The following KCNIP4 variants were observed in gnomAD, a reference collection of about 807,000 sequenced individuals.
The protein encoded by KCNIP4 is potassium voltage-gated channel interacting protein 4.
A neutral mutation model predicts 34.0 loss-of-function variants in KCNIP4; 12 were observed. The ratio of observed to expected loss-of-function variants is 0.35; its 90% CI spans 0.23 to 0.57. The LOEUF is 0.57. Ranked by LOEUF, KCNIP4 falls within the 20% of genes least tolerant of loss-of-function variation. The pLI, the probability that KCNIP4 is intolerant of heterozygous loss-of-function variation, is 0.83. For missense variants in KCNIP4, 238 were observed against 311.7 expected (o/e 0.76, Z 1.78); for synonymous variants, 124 against 102.2 (o/e 1.21, Z -1.29).
At chr4:21,400,194 A>T (rs1577303279) in intron 1 of KCNIP4, among the ~76,000 whole-genome samples, 1 of 152,314 alleles carries the variant, frequency 6.6e-6, no homozygotes, top group East Asian at 1.9e-4. Context: ...GCATTTGCAG[A>T]CATTGTGCAG....
chr4:21,632,774 A>G (rs1745854510), intron 1 of KCNIP4, among the ~76,000 whole-genome samples: 1 of 152,192 alleles, frequency 6.6e-6, no homozygotes, highest in African/African-American at 2.4e-5. Context: ...CAAGAAGGGT[A>G]TCTGGAGCAG....
At chr4:21,467,969 G>T (rs958788871) in intron 1 of KCNIP4, among the ~76,000 whole-genome samples, 1 of 152,164 alleles carries the variant, frequency 6.6e-6, no homozygotes. Flanking sequence ...AACCCTGAGA[G>T]ATCCTGCCAG....
intron 1 of KCNIP4, among the ~76,000 whole-genome samples, chr4:21,733,232 T>C (rs910359562): frequency 2.0e-5 from 3 of 152,164 alleles, no homozygotes; most frequent in African/African-American, 4.8e-5. Flanking sequence ...AACTTCCCAG[T>C]TCAAATTACT....
At chr4:21,622,692 T>G (rs1204185606) in intron 1 of KCNIP4, among the ~76,000 whole-genome samples, 1 of 152,178 alleles carries the variant, frequency 6.6e-6, no homozygotes, top group Admixed American at 6.5e-5. Flanking sequence ...TCCATATTTA[T>G]AATTTTTAAA....
chr4:21,282,513 G>A (rs993064622), intron 1 of KCNIP4, among the ~76,000 whole-genome samples: 7 of 150,538 alleles, frequency 4.6e-5, no homozygotes, highest in African/African-American at 1.7e-4. Context: ...TTAAAATTTA[G>A]TTAAGCTTTT....
At chr4:21,872,752 GA>G (rs1725889785) in intron 1 of KCNIP4, among the ~76,000 whole-genome samples, 1 of 152,150 alleles carries the variant, frequency 6.6e-6, no homozygotes, top group Admixed American at 6.5e-5. Context: ...TATGCCTGAA[GA>G]GATGTACTGG....
At chr4:21,135,891 C>T (rs867773091) in intron 1 of KCNIP4, among the ~76,000 whole-genome samples, 1 of 152,170 alleles carries the variant, frequency 6.6e-6, no homozygotes, top group Non-Finnish European at 1.5e-5. Flanking sequence ...ATTGTTATTA[C>T]AAATATTAAT....
intron 2 of KCNIP4, among the ~76,000 whole-genome samples, chr4:20,870,567 T>G (rs1293221365): frequency 6.6e-6 from 1 of 152,118 alleles, no homozygotes; most frequent in Non-Finnish European, 1.5e-5. Context: ...TCCCCTAAAT[T>G]GTACCCAGCT....
At chr4:20,775,462 A>G (rs1159533097) in intron 3 of KCNIP4, among the ~76,000 whole-genome samples, 3 of 151,818 alleles carry the variant, frequency 2.0e-5, no homozygotes, top group Middle Eastern at 6.8e-3. Flanking sequence ...GCACTTTGGA[A>G]AAACAAGGCA....
chr4:20,768,196 T>G (rs1371206551), intron 3 of KCNIP4, among the ~76,000 whole-genome samples: 1 of 152,160 alleles, frequency 6.6e-6, no homozygotes, highest in East Asian at 1.9e-4. Flanking sequence ...CTAAAAATAT[T>G]TATGCTGAAT....
chr4:21,505,702 T>C (rs868638488), intron 1 of KCNIP4, among the ~76,000 whole-genome samples: 1 of 152,314 alleles, frequency 6.6e-6, no homozygotes. Flanking sequence ...TTCATCTTAG[T>C]ATCTTCATGG....
In KCNIP4 at chr4:20,883,308, A is replaced by G. The variant is rs148212624; in HGVS notation, c.62-599T>C. 2.4e-4 allele frequency among the ~76,000 whole-genome samples: 36 copies of G among 152,282 alleles called. 1 individual carries two copies. In the East Asian group the frequency reaches 6.6e-3, roughly 28 times the overall value. ...TGTGACAATCTTTCCCATTTTTTACATGTGGACGCTAATGAATGGAACTTT... is the reference window on the plus strand; with the variant it reads ...TGTGACAATCTTTCCCATTTTTTACGTGTGGACGCTAATGAATGGAACTTT... On this transcript the variant is annotated intron_variant, in intron 1 of 8. Transcript: ENST00000382152.
At chr4:20,916,329 G>A (rs757881918) in intron 1 of KCNIP4, 89 of 981,682 alleles carry the variant, frequency 9.1e-5, no homozygotes, top group Non-Finnish European at 1.0e-4. Flanking sequence ...TTACCTCTTT[G>A]CAGTTGTTAT....
chr4:20,739,815 G>A (rs1361436002), intron 5 of KCNIP4, among the ~76,000 whole-genome samples: 10 of 152,078 alleles, frequency 6.6e-5, no homozygotes, highest in Admixed American at 3.3e-4. Context: ...GAAGATGTTC[G>A]AACCCATCAC....
intron 8 of KCNIP4, chr4:20,731,521 T>C (rs916700717): frequency 1.4e-5 from 14 of 985,284 alleles, no homozygotes; most frequent in Non-Finnish European, 1.4e-5. Flanking sequence ...TGAAGACCAT[T>C]AGTGAGTTCA....
intron 1 of KCNIP4, among the ~76,000 whole-genome samples, chr4:21,773,759 G>GTTTTT (rs1560704204): frequency 1.7e-5 from 1 of 58,350 alleles, no homozygotes; most frequent in African/African-American, 7.8e-5. Flanking sequence ...TTTTTTTTTT[G>GTTTTT]TTTGTTTGTT....
At chr4:21,023,855 C>A (rs1363960220) in intron 1 of KCNIP4, among the ~76,000 whole-genome samples, 1 of 151,972 alleles carries the variant, frequency 6.6e-6, no homozygotes, top group African/African-American at 2.4e-5. Flanking sequence ...GCACTCCAGC[C>A]TGGGCAACCG....
intron 1 of KCNIP4, among the ~76,000 whole-genome samples, chr4:21,467,737 G>A (rs956513483): frequency 2.2e-4 from 33 of 152,150 alleles, no homozygotes; most frequent in African/African-American, 7.5e-4. Context: ...TGGAAAAAAA[G>A]AGCATGGTGT....
intron 1 of KCNIP4, among the ~76,000 whole-genome samples, chr4:21,877,679 T>A (rs529050087): frequency 6.6e-6 from 1 of 152,220 alleles, no homozygotes; most frequent in African/African-American, 2.4e-5. Context: ...CTGCATATTC[T>A]GACCTGAAGA....
Sources: allele counts gnomAD v4.1 joint callset (sites outside exome capture counted in the v4.1 genomes callset), GRCh38; gene constraint gnomAD v4.1.1; transcripts MANE v1.5; gene names NCBI Gene and HGNC (gene_info 2026-07-23, HGNC 2026-07-21).